Variants in NREP observed in about 807,000 individuals in gnomAD.
NREP encodes the protein neuronal regeneration related protein.
A neutral mutation model predicts 8.6 loss-of-function variants in NREP; 5 were observed. That is an observed-to-expected ratio of 0.58 (90% CI 0.30 to 1.22). The LOEUF (loss-of-function observed/expected upper bound fraction) is 1.22, where lower values mean the gene tolerates loss of function less well. NREP is among the 50% of genes most tolerant of loss of function. The pLI is 0.07. For synonymous variants in NREP, 27 were observed against 28.0 expected, an observed-to-expected ratio of 0.96 and a Z score of 0.11; for missense variants, 86 against 82.5, an observed-to-expected ratio of 1.04 and a Z score of -0.17.
chr5:111,767,057 C>T (rs111689519), intron 2 of NREP, among the ~76,000 whole-genome samples: 118 of 152,128 alleles, frequency 7.8e-4, no homozygotes, highest in African/African-American at 2.3e-3. Context: ...TGAATGCACA[C>T]GTGAAAAAAG....
At chr5:111,740,990 C>T (rs1749601058) in intron 2 of NREP, among the ~76,000 whole-genome samples, 1 of 152,304 alleles carries the variant, frequency 6.6e-6, no homozygotes, top group Non-Finnish European at 1.5e-5. Context: ...CACATAAATA[C>T]TGCTTACTTC....
chr5:111,908,906 T>G (rs1367032278), intron 2 of NREP, among the ~76,000 whole-genome samples: 3 of 152,126 alleles, frequency 2.0e-5, no homozygotes, highest in African/African-American at 7.2e-5. Context: ...TCTAACTTTT[T>G]AATAATAGCC....
intron 2 of NREP, among the ~76,000 whole-genome samples, chr5:111,918,502 G>C (rs528647671): frequency 2.4e-4 from 37 of 152,160 alleles, no homozygotes; most frequent in Non-Finnish European, 4.7e-4. Context: ...GGTACTGGTA[G>C]CAAGACAGAT....
intron 2 of NREP, among the ~76,000 whole-genome samples, chr5:111,942,127 A>C (rs769776621): frequency 1.3e-5 from 2 of 152,068 alleles, no homozygotes; most frequent in African/African-American, 4.8e-5. Context: ...TAGCTTCACA[A>C]AAGTTATTTT....
chr5:111,955,187 CAG>C (rs1462057751), intron 2 of NREP, among the ~76,000 whole-genome samples: 1 of 152,168 alleles, frequency 6.6e-6, no homozygotes. Flanking sequence ...AGCCAGCTCT[CAG>C]AGTTTCCTTC....
At chr5:111,824,716 G>T (rs937589066) in intron 2 of NREP, among the ~76,000 whole-genome samples, 1 of 152,130 alleles carries the variant, frequency 6.6e-6, no homozygotes, top group African/African-American at 2.4e-5. Flanking sequence ...TTCATCAAAA[G>T]TAGATCTCAT....
intron 2 of NREP, among the ~76,000 whole-genome samples, chr5:111,777,014 T>TGGAGGA (rs147009924): frequency 2.4e-5 from 3 of 125,676 alleles, no homozygotes; most frequent in South Asian, 4.8e-4. Context: ...AGGAAGGAGG[T>TGGAGGA]GGAGGAGGAG....
intron 2 of NREP, among the ~76,000 whole-genome samples, chr5:111,869,955 G>C (rs1028780276): frequency 2.6e-5 from 4 of 152,170 alleles, no homozygotes; most frequent in African/African-American, 9.7e-5. Context: ...TCCATTGTCT[G>C]TGACTTACTT....
At chr5:111,946,113 A>T (rs1278052971) in intron 2 of NREP, among the ~76,000 whole-genome samples, 1 of 150,580 alleles carries the variant, frequency 6.6e-6, no homozygotes, top group Non-Finnish European at 1.5e-5. Context: ...TAAGAAAATA[A>T]ATTTGAACGA....
chr5:111,840,793 A>C (rs1753010361), intron 2 of NREP, among the ~76,000 whole-genome samples: 2 of 152,192 alleles, frequency 1.3e-5, no homozygotes, highest in African/African-American at 4.8e-5. Context: ...AGGAATAGTA[A>C]AGATGTTGAC....
chr5:111,756,494 A>T (rs183234346), intron 1 of NREP, among the ~76,000 whole-genome samples: 51 of 152,276 alleles, frequency 3.3e-4, no homozygotes, highest in East Asian at 2.3e-3. Flanking sequence ...GGAGAAACTA[A>T]AAGTTCTCAA....
rs921985297 is a variant in NREP at position 111,802,721 on chromosome 5, T to G, written c.136-67214A>C. On this transcript the variant is annotated intron_variant, in intron 2 of 3. Transcript: ENST00000395634. The stretch of plus-strand genomic sequence containing the variant: ...TAAAGATTATTTAAAACATAATGTA[T>G]TCTTTTGAAAATTATAATTGATTTT... 2.0e-5 allele frequency among the ~76,000 whole-genome samples: 3 copies of G among 152,266 alleles called. No individual in the cohort carries two copies. The East Asian group carries it at 5.8e-4, about 29-fold the overall frequency.
At chr5:111,967,731 T>C (rs973040984) in intron 2 of NREP, among the ~76,000 whole-genome samples, 1 of 152,134 alleles carries the variant, frequency 6.6e-6, no homozygotes, top group African/African-American at 2.4e-5. Context: ...ACCTTCCAAG[T>C]GTGAAGTGAC....
At chr5:111,815,895 A>C (rs2112919068) in intron 2 of NREP, among the ~76,000 whole-genome samples, 1 of 152,286 alleles carries the variant, frequency 6.6e-6, no homozygotes. Context: ...ATAAGGTCCA[A>C]GAAAACCACA....
chr5:111,804,749 C>A (rs1301616588), intron 2 of NREP, among the ~76,000 whole-genome samples: 1 of 151,868 alleles, frequency 6.6e-6, no homozygotes, highest in Non-Finnish European at 1.5e-5. Context: ...CGCCTGTAGT[C>A]CCAGCACTTT....
chr5:111,954,274 T>A (rs1329002025), intron 2 of NREP, among the ~76,000 whole-genome samples: 1 of 152,066 alleles, frequency 6.6e-6, no homozygotes, highest in Admixed American at 6.6e-5. Context: ...CTGGAATCAA[T>A]AAATTAAAAT....
At chr5:111,736,480 G>C (rs1749127728) in intron 2 of NREP, among the ~76,000 whole-genome samples, 1 of 152,118 alleles carries the variant, frequency 6.6e-6, no homozygotes, top group Non-Finnish European at 1.5e-5. Flanking sequence ...CAACAATTAA[G>C]AGTCACACCT....
At chr5:111,964,413 G>A (rs1756568342) in intron 2 of NREP, among the ~76,000 whole-genome samples, 1 of 152,072 alleles carries the variant, frequency 6.6e-6, no homozygotes, top group South Asian at 2.1e-4. Flanking sequence ...TGTCACCCAG[G>A]CTGGAGTTCA....
intron 2 of NREP, among the ~76,000 whole-genome samples, chr5:111,741,873 TGTG>T (rs1749702161): frequency 6.8e-6 from 1 of 146,268 alleles, no homozygotes; most frequent in Admixed American, 6.8e-5. Flanking sequence ...TGGAGCTGGC[TGTG>T]GTAACAATGG....
Sources: gnomAD v4.1 joint callset for allele counts (sites outside exome capture counted in the v4.1 genomes callset) on GRCh38, gnomAD v4.1.1 for gene constraint, MANE v1.5 for transcripts, NCBI Gene and HGNC (gene_info 2026-07-23, HGNC 2026-07-21) for gene names.